SEMA6D: variants seen among roughly 807,000 people sequenced by gnomAD.
The protein encoded by SEMA6D is semaphorin-6D.
A neutral mutation model predicts 106.6 loss-of-function variants in SEMA6D; 35 were observed. That is an observed-to-expected ratio of 0.33 (90% CI 0.25 to 0.44). The LOEUF (loss-of-function observed/expected upper bound fraction) is 0.44, where lower values mean the gene tolerates loss of function less well. Among genes scored for constraint, SEMA6D ranks in the 20% least tolerant of loss-of-function variants. The pLI is 1.00. For synonymous variants in SEMA6D, 499 were observed against 487.7 expected (o/e 1.02, Z -0.31); for missense variants, 1,185 against 1,345.9 (o/e 0.88, Z 1.87).
At chr15:47,352,570 A>G (rs1381084172) in intron 1 of SEMA6D, among the ~76,000 whole-genome samples, 5 of 152,192 alleles carry the variant, frequency 3.3e-5, no homozygotes, top group Non-Finnish European at 7.4e-5. Context: ...CCTTGAATGG[A>G]TGAAGAACTT....
intron 1 of SEMA6D, among the ~76,000 whole-genome samples, chr15:47,373,693 T>A (rs569203781): frequency 1.3e-5 from 2 of 152,350 alleles, no homozygotes; most frequent in African/African-American, 4.8e-5. Context: ...AATATTATTA[T>A]TTAATTTATC....
At chr15:47,315,993 T>A (rs1299821820) in intron 1 of SEMA6D, among the ~76,000 whole-genome samples, 2 of 152,022 alleles carry the variant, frequency 1.3e-5, no homozygotes, top group Non-Finnish European at 2.9e-5. Context: ...GAGAGGGTTT[T>A]TTTTTGTGTG....
Position 47,207,993 on chromosome 15 carries a change from G to GCACACACACACACA in SEMA6D, c.-239+23619_-239+23632dup, listed in dbSNP as rs57079521. Among the ~76,000 whole-genome samples, 177 of 89,422 alleles carry GCACACACACACACA rather than the reference G, an allele frequency of 2.0e-3. 6 individuals carry two copies. The highest frequency in any genetic ancestry group is 2.5e-3 in the Non-Finnish European group (109 of 43,662). 58.7% of individuals were successfully genotyped at this position (89,422 alleles called of 152,430 possible). ...AGGTACAGTAGCCACTGGCGCGCGC[G>GCACACACACACACA]CACACACACACACACACACACACAC... On this transcript the variant is annotated intron_variant, in intron 1 of 19. Coordinates refer to the SEMA6D transcript ENST00000558014.
intron 1 of SEMA6D, among the ~76,000 whole-genome samples, chr15:47,723,611 T>G (rs949226162): frequency 6.6e-6 from 1 of 152,210 alleles, no homozygotes; most frequent in African/African-American, 2.4e-5. Context: ...TTCTTAGTTA[T>G]GATGGAGGGA....
chr15:47,730,249 A>G (rs370125131), intron 1 of SEMA6D: 11 of 1,541,256 alleles, frequency 7.1e-6, no homozygotes, highest in South Asian at 6.7e-5. Flanking sequence ...GGCGGATCTC[A>G]TCGTATCTGT....
rs566432714 is a variant in SEMA6D, at chr15:47,241,843, G to A, written c.-239+57425G>A. Reference sequence around the variant, plus strand: ...TGAATCTAAAAGAACTTACCTAGCTGAATGTAGGGGCAGGTTGCATAGAAA... The same window carrying A: ...TGAATCTAAAAGAACTTACCTAGCTAAATGTAGGGGCAGGTTGCATAGAAA... On this transcript the variant is annotated intron_variant, in intron 1 of 19. Transcript: ENST00000558014. Among the ~76,000 whole-genome samples the A allele has an allele frequency of 3.9e-5, 6 of 152,206 alleles. No individual in the cohort carries two copies. In the South Asian group the frequency reaches 1.2e-3, roughly 32 times the overall value.
intron 3 of SEMA6D, among the ~76,000 whole-genome samples, chr15:47,481,055 A>C (rs181104525): frequency 6.1e-4 from 93 of 152,304 alleles, no homozygotes; most frequent in African/African-American, 2.2e-3. Flanking sequence ...GCATCCCCCA[A>C]GGAATTATCT....
chr15:47,452,570 A>G (rs868665983), intron 2 of SEMA6D, among the ~76,000 whole-genome samples: 2 of 152,002 alleles, frequency 1.3e-5, no homozygotes, highest in Admixed American at 6.6e-5. Context: ...ATCATAAAAA[A>G]TACTGACATT....
At chr15:47,522,192 C>T (rs1377759279) in intron 3 of SEMA6D, among the ~76,000 whole-genome samples, 7 of 152,162 alleles carry the variant, frequency 4.6e-5, no homozygotes, top group South Asian at 4.1e-4. Flanking sequence ...GGAGTTTAGA[C>T]GGAGTCTCAG....
chr15:47,242,912 A>G (rs2032997440), intron 1 of SEMA6D, among the ~76,000 whole-genome samples: 1 of 152,146 alleles, frequency 6.6e-6, no homozygotes, highest in Non-Finnish European at 1.5e-5. Flanking sequence ...AACTGAGGTT[A>G]ACCCCTATTA....
At chr15:47,379,906 C>T (rs755529560) in intron 1 of SEMA6D, among the ~76,000 whole-genome samples, 17 of 151,490 alleles carry the variant, frequency 1.1e-4, no homozygotes, top group Non-Finnish European at 1.6e-4. Flanking sequence ...TACAGGCATG[C>T]CCCACCACGC....
At chr15:47,509,561 A>C (rs2044157263) in intron 3 of SEMA6D, among the ~76,000 whole-genome samples, 1 of 152,180 alleles carries the variant, frequency 6.6e-6, no homozygotes, top group Non-Finnish European at 1.5e-5. Context: ...TTGCCCCCGA[A>C]TTATGGTATC....
At chr15:47,263,616 A>T (rs187799026) in intron 1 of SEMA6D, among the ~76,000 whole-genome samples, 1 of 152,142 alleles carries the variant, frequency 6.6e-6, no homozygotes, top group East Asian at 2.0e-4. Flanking sequence ...AAATTAGTTC[A>T]ACCATTGCGG....
intron 3 of SEMA6D, among the ~76,000 whole-genome samples, chr15:47,548,488 A>G (rs577822173): frequency 6.6e-6 from 1 of 152,306 alleles, no homozygotes; most frequent in South Asian, 2.1e-4. Flanking sequence ...GTTCAAAAAT[A>G]TGGAACAAGC....
intron 1 of SEMA6D, among the ~76,000 whole-genome samples, chr15:47,345,697 T>G (rs1357947796): frequency 6.6e-6 from 1 of 152,134 alleles, no homozygotes; most frequent in African/African-American, 2.4e-5. Flanking sequence ...AAGGAACTAA[T>G]TGATAAAATA....
Position 47,471,929 on chromosome 15 carries a change from TCTCACA to T in SEMA6D, c.-87+1386_-87+1391del, listed in dbSNP as rs1368189914. Among the ~76,000 whole-genome samples, 719 of 105,960 alleles carry T rather than the reference TCTCACA, an allele frequency of 6.8e-3. 1 individual carries two copies. The highest frequency in any genetic ancestry group is 7.4e-3 in the African/African-American group (194 of 26,198). The allele number at this position is 105,960 out of a possible 152,430, so 69.5% of individuals were successfully genotyped here. ...TTCTCTCTCTCTCTCTCTCTCTCTC[TCTCACA>T]CACACACACACACACACACACACAC... On this transcript the variant is annotated intron_variant, in intron 3 of 19. Transcript: ENST00000558014.
chr15:47,478,063 G>T (rs2043049019), intron 3 of SEMA6D, among the ~76,000 whole-genome samples: 1 of 152,176 alleles, frequency 6.6e-6, no homozygotes, highest in Non-Finnish European at 1.5e-5. Context: ...CAATTAGGCA[G>T]CTTTTATTTC....
chr15:47,253,377 C>G (rs1404594855), intron 1 of SEMA6D, among the ~76,000 whole-genome samples: 1 of 152,048 alleles, frequency 6.6e-6, no homozygotes, highest in South Asian at 2.1e-4. Context: ...TCCCATTTGT[C>G]TATTTTTGCT....
intron 2 of SEMA6D, among the ~76,000 whole-genome samples, chr15:47,448,456 A>G (rs749811870): frequency 6.6e-6 from 1 of 152,098 alleles, no homozygotes; most frequent in Non-Finnish European, 1.5e-5. Context: ...TGGGGCACAC[A>G]CTTTAACCAG....
Sources: allele counts gnomAD v4.1 joint callset (sites outside exome capture counted in the v4.1 genomes callset), GRCh38; gene constraint gnomAD v4.1.1; transcripts MANE v1.5; gene names NCBI Gene and HGNC (gene_info 2026-07-23, HGNC 2026-07-21).